Variants in IFT172 observed in about 807,000 individuals in gnomAD.
IFT172 encodes intraflagellar transport 172, also known as intraflagellar transport protein 172 homolog.
IFT172 carries 164 observed loss-of-function variants against 248.9 expected under a neutral mutation model. That is an observed-to-expected ratio of 0.66 (90% confidence interval 0.58 to 0.75). The LOEUF is 0.75. Ranked by LOEUF, IFT172 falls within the 30% of genes least tolerant of loss-of-function variation. The probability of loss-of-function intolerance (pLI) is 0.00; values close to 1 mark genes in which losing one functional copy is unlikely to be tolerated. For missense variants in IFT172, 1,950 were observed against 2,192.4 expected (o/e 0.89, Z 2.21); for synonymous variants, 729 against 791.6 (o/e 0.92, Z 1.33).
Position 27,454,021 on chromosome 2 carries a change from G to C in IFT172, c.3672C>G (p.Leu1224=), listed in dbSNP as rs767471412. ...GGGCCAGGCCTGGTCTCTGGGCCCG[G>C]AGCAGCAGCCCTTCTGCTTTCTGAA... ...KDFQKAEGLL[L]RAQRPGLALN... The change falls in exon 33 of 48, where the codon CTC becomes CTG. Residue 1224 remains leucine (L), a synonymous_variant. Transcript: ENST00000260570. This position sits in a 1 kb window ranked among gnomAD's most constrained non-coding sequence, Gnocchi z 4.2. 1 of 1,613,968 alleles carries C rather than the reference G, an allele frequency of 6.2e-7. No individual in the cohort carries two copies. The highest frequency in any genetic ancestry group is 8.5e-7 in the Non-Finnish European group (1 of 1,180,004).
In IFT172 at chr2:27,476,671, A is replaced by G. The variant is rs144558865; in HGVS notation, c.1381T>C (p.Tyr461His). The G allele has an allele frequency of 6.2e-7, 1 of 1,608,092 alleles. No individual in the cohort carries two copies. The highest frequency in any genetic ancestry group is 1.3e-5 in the African/African-American group (1 of 74,918). Residue 461 changes from tyrosine (Y) to histidine (H), a missense_variant, in exon 14 of 48, where the codon TAT becomes CAT. Physicochemically the swap from Tyr to His is moderately conservative, Grantham distance 83. Transcript: ENST00000260570. ...GCAATAGTCTTAATATCAATAAGAT[A>G]AGCCAATTTCTTATTATCTTCTGTT... ...RGTEDNKKLA[Y>H]LIDIKTIAIV...
In IFT172 at chr2:27,449,373, C is replaced by A; in HGVS notation, c.4232G>T (p.Gly1411Val). 6.2e-7 allele frequency: 1 copy of A among 1,614,158 alleles called. No individual in the cohort carries two copies. ...GTCCAAAGCAGCTATCACATCCACA[C>A]CCACCAGCTGGGTCAATGGAAGACA... ...KNQGKVDSLVGVDVIAALDLY... is the reference protein window; with the variant it reads ...KNQGKVDSLVVVDVIAALDLY... Residue 1411 changes from glycine (G) to valine (V), a missense_variant, in exon 39 of 48, where the codon GGT (glycine) becomes GTT (valine). Transcript: ENST00000260570.
chr2:27,449,660 A>G, intron 37 of IFT172, 31 bp downstream of exon 37: 1 of 1,610,030 alleles, frequency 6.2e-7, no homozygotes, highest in Non-Finnish European at 8.5e-7. Context: ...GTAAAAGAGA[A>G]TTTCGCAGTA....
At position 27,445,182 on chromosome 2, in the gene IFT172, T is replaced by C. The variant is rs1318798685; in HGVS notation, c.5069-77A>G. 1 of 1,596,662 alleles carries C rather than the reference T, an allele frequency of 6.3e-7. No homozygotes were observed. Among genetic ancestry groups the C allele is most frequent in the Non-Finnish European group, 8.5e-7 (1 of 1,169,838 alleles). On this transcript the variant is annotated intron_variant, in intron 46 of 47. Coordinates refer to ENST00000260570, the MANE Select transcript of IFT172 (RefSeq NM_015662.3). The surrounding 1 kb of genome is among the most constrained non-coding windows in gnomAD (Gnocchi z 4.4). ...GAAAAATGAGGAGCAGCCTGGGGGG[T>C]AGAAAGCACAGTCCTGTCTTTTGTA...
chr2:27,446,364 A>G lies in IFT172; in HGVS notation c.4660-9T>C, dbSNP rs745618994. 3 of 1,613,818 alleles carry G rather than the reference A, an allele frequency of 1.9e-6. No individual in the cohort carries two copies. Among genetic ancestry groups the G allele is most frequent in the Non-Finnish European group, 2.5e-6 (3 of 1,179,708 alleles). On this transcript the variant is annotated splice_polypyrimidine_tract_variant and intron_variant, in intron 42 of 47. Coordinates refer to ENST00000260570, the MANE Select transcript of IFT172 (RefSeq NM_015662.3). ...CTGGCAGCCACGGTTTCCTGGGATT[A>G]AAGTCAAAGCATTATGAATATGGCA...
Position 27,447,806 on chromosome 2 carries a change from C to T in IFT172, c.4539+6G>A, listed in dbSNP as rs745480523. The T allele has an allele frequency of 4.5e-5, 73 of 1,608,450 alleles. No individual in the cohort carries two copies. In the East Asian group the frequency reaches 1.6e-3, roughly 35 times the overall value. ...GACAGACGGAGCAGCCCTTTCGCTT[C>T]CTCACCAGGTTGAAGAGGACATCTC... On this transcript the variant is annotated splice_donor_region_variant and intron_variant, in intron 41 of 47. Coordinates refer to ENST00000260570, the MANE Select transcript of IFT172 (RefSeq NM_015662.3).
At position 27,445,058 on chromosome 2, in the gene IFT172, C is replaced by T. The variant is rs375081229; in HGVS notation, c.5116G>A (p.Ala1706Thr). ...TTATTCCAGTTGTCCTTGTTAGCAGCCTTCCCTGGCCGCTTAAATTCAATT... is the reference window on the plus strand; with the variant it reads ...TTATTCCAGTTGTCCTTGTTAGCAGTCTTCCCTGGCCGCTTAAATTCAATT... ...NKIEFKRPGK[A>T]ANKDNWNKFL... is the part of the protein sequence containing the mutation. The change falls in exon 47 of 48, where the codon GCT becomes ACT. Residue 1706 changes from alanine to threonine, a missense_variant. This residue lies in a region of IFT172 where 620 missense variants were observed against 699.0 expected (regional missense o/e 0.89). Transcript: ENST00000260570. This position sits in a 1 kb window ranked among gnomAD's most constrained non-coding sequence, Gnocchi z 4.4. 3 of 1,613,996 alleles carry T rather than the reference C, an allele frequency of 1.9e-6. No homozygotes were observed. The highest frequency in any genetic ancestry group is 2.5e-6 in the Non-Finnish European group (3 of 1,180,044).
Position 27,479,509 on chromosome 2 carries a change from C to T in IFT172, c.1005G>A (p.Gln335=). The change falls in exon 10 of 48, where the codon CAG becomes CAA. Residue 335 remains glutamine (Q), a splice_region_variant and synonymous_variant. Transcript: ENST00000260570. ...KFELTYVGPS[Q]VIVKNLSSGT... Reference sequence around the variant, plus strand: ...TGCAGTAGGCTACCATCCTGCTTACCTGGCTAGGTCCCACATACGTCAACT... The same window carrying T: ...TGCAGTAGGCTACCATCCTGCTTACTTGGCTAGGTCCCACATACGTCAACT... 1 of 1,585,818 alleles carries T rather than the reference C, an allele frequency of 6.3e-7. No homozygotes were observed. Among genetic ancestry groups the T allele is most frequent in the Admixed American group, 1.7e-5 (1 of 59,968 alleles).
chr2:27,481,432 CACACACACACACACACACACAT>C (rs1408448473), intron 7 of IFT172, among the ~76,000 whole-genome samples, 172 bp from the exon 8 acceptor site: 1 of 149,186 alleles, frequency 6.7e-6, no homozygotes, highest in African/African-American at 2.5e-5. Flanking sequence ...TTGTCACACA[CACACACACACACACACACACAT>C]ACACACACAC....
chr2:27,466,399 T>G (rs1010817392), intron 16 of IFT172, among the ~76,000 whole-genome samples: 1 of 152,166 alleles, frequency 6.6e-6, no homozygotes, highest in African/African-American at 2.4e-5. Context: ...GTCAGGAGAA[T>G]AAACCTCAGG....
In IFT172 at chr2:27,459,747, C is replaced by T; in HGVS notation, c.2604G>A (p.Lys868=). The change falls in exon 24 of 48, where the codon AAG becomes AAA. Residue 868 remains lysine, a synonymous_variant. Coordinates refer to ENST00000260570, the MANE Select transcript of IFT172 (RefSeq NM_015662.3). ...AGTGATTAATGGCTGCATCAAGCTG[C>T]TTCTGCTGCACCAGGTGGTCCCCCC... is the stretch of plus-strand genomic sequence containing the variant. The part of the protein sequence containing the change: ...EAWGDHLVQQ[K]QLDAAINHYI... 7 of 1,613,058 alleles carry T rather than the reference C, an allele frequency of 4.3e-6. No individual in the cohort carries two copies. Among genetic ancestry groups the T allele is most frequent in the South Asian group, 1.1e-5 (1 of 91,086 alleles).
At chr2:27,479,172 T>G (rs903856445) in intron 10 of IFT172, among the ~76,000 whole-genome samples, 7 of 152,020 alleles carry the variant, frequency 4.6e-5, no homozygotes, top group African/African-American at 1.4e-4. Context: ...GCCCGGCTAA[T>G]TTTTTTGTAT....
chr2:27,475,076 T>C (rs1667869467), intron 14 of IFT172, among the ~76,000 whole-genome samples: 1 of 125,804 alleles, frequency 7.9e-6, no homozygotes, highest in African/African-American at 3.7e-5. Flanking sequence ...AGATAGGAAC[T>C]AGCAATTCAC....
rs926433022 is a variant in IFT172 at position 27,476,972 on chromosome 2, T to C, written c.1325+245A>G. ...CTGAGTAACTGGGACTACAGGGGTG[T>C]GCCACCATGCCTGGATAATTTTTTG... On this transcript the variant is annotated intron_variant, in intron 13 of 47. Transcript: ENST00000260570. 7 of 589,498 alleles carry C rather than the reference T, an allele frequency of 1.2e-5. No homozygotes were observed. The Admixed American group carries it at 1.9e-4, about 16-fold the overall frequency. The allele number at this position is 589,498 out of a possible 1,614,324, so 36.5% of individuals were successfully genotyped here. A position where few individuals can be genotyped will look rare whatever the true frequency, so the allele number is the denominator to read the frequency against.
At chr2:27,482,491 G>C (rs941016506) in intron 7 of IFT172, among the ~76,000 whole-genome samples, 1 of 151,520 alleles carries the variant, frequency 6.6e-6, no homozygotes, top group Admixed American at 6.6e-5. Flanking sequence ...CGGGTTTCAC[G>C]TCAGGCTGGT....
At chr2:27,455,137 A>G (rs1002324689) in intron 30 of IFT172, 4 of 264,320 alleles carry the variant, frequency 1.5e-5, no homozygotes, top group Non-Finnish European at 3.0e-5. Flanking sequence ...TCTTTTGGCT[A>G]TCTTTCTGCA....
rs1667529462 is a variant in IFT172, at chr2:27,471,060, T to C, written c.1560A>G (p.Thr520=). Residue 520 remains threonine (T), a synonymous_variant, in exon 16 of 48, where the codon ACA becomes ACG. Coordinates refer to ENST00000260570, the MANE Select transcript of IFT172 (RefSeq NM_015662.3). The part of the protein sequence containing the change: ...HLYDIESCSK[T]MILNFCSYMQ... ...TATAGGAGCAGAAGTTGAGGATCAT[T>C]GTCTTAGAGCAGCTTTCAATATCAT... 1.2e-6 allele frequency: 2 copies of C among 1,611,688 alleles called. No individual in the cohort carries two copies. Among genetic ancestry groups the C allele is most frequent in the Non-Finnish European group, 1.7e-6 (2 of 1,179,450 alleles).
intron 7 of IFT172, 68 bp from the exon 8 acceptor site, chr2:27,481,328 C>T (rs1668345266): frequency 7.8e-6 from 9 of 1,152,192 alleles, no homozygotes; most frequent in Non-Finnish European, 1.1e-5. Context: ...TCACTCTCAA[C>T]ACCTGGTACA....
chr2:27,451,352 A>G (rs1188095780), intron 35 of IFT172, among the ~76,000 whole-genome samples: 4 of 152,178 alleles, frequency 2.6e-5, no homozygotes, highest in African/African-American at 9.7e-5. Flanking sequence ...CTCCCAAGTT[A>G]CATATATCAG....
Sources: allele counts gnomAD v4.1 joint callset (sites outside exome capture counted in the v4.1 genomes callset), GRCh38; gene constraint gnomAD v4.1.1; regional missense constraint gnomAD v4.1.1; non-coding constraint Gnocchi (gnomAD v3.1); transcripts MANE v1.5; gene names NCBI Gene and HGNC (gene_info 2026-07-23, HGNC 2026-07-21).